The following ROBO1 variants were observed in gnomAD, a reference collection of about 807,000 sequenced individuals.
ROBO1 encodes the protein roundabout homolog 1.
Under a neutral mutation model 195.9 loss-of-function variants are expected in ROBO1, and 149 were observed. The observed-to-expected ratio is 0.76, with a 90% CI of 0.67 to 0.87. The LOEUF (loss-of-function observed/expected upper bound fraction) is 0.87, where lower values mean the gene tolerates loss of function less well. Among genes scored for constraint, ROBO1 ranks in the 40% least tolerant of loss-of-function variants. The probability of loss-of-function intolerance (pLI) is 0.00; values close to 1 mark genes in which losing one functional copy is unlikely to be tolerated. For missense variants in ROBO1, 1,933 were observed against 2,068.3 expected (o/e 0.93, Z 1.27); for synonymous variants, 816 against 733.2 (o/e 1.11, Z -1.82).
At chr3:78,634,171 T>C (rs2107523218) in intron 23 of ROBO1, 129 bp from the exon 24 acceptor site, 1 of 551,816 alleles carries the variant, frequency 1.8e-6, no homozygotes, top group Admixed American at 3.5e-5. Context: ...CTTTTTTCTC[T>C]TCTATTGTTG....
intron 3 of ROBO1, among the ~76,000 whole-genome samples, chr3:79,011,905 CT>C (rs1459245074): frequency 6.6e-6 from 1 of 151,898 alleles, no homozygotes; most frequent in Non-Finnish European, 1.5e-5. Context: ...TCTATACAAA[CT>C]GGGCATACGA....
intron 2 of ROBO1, among the ~76,000 whole-genome samples, chr3:79,387,229 T>A (rs1020780390): frequency 1.3e-5 from 2 of 152,070 alleles, no homozygotes; most frequent in African/African-American, 4.8e-5. Context: ...TTGATGATAA[T>A]ACAAATCATG....
Position 79,215,474 on chromosome 3 carries a change from G to C in ROBO1, c.89-89935C>G, listed in dbSNP as rs184687216. Among the ~76,000 whole-genome samples the C allele has an allele frequency of 7.2e-5, 11 of 152,026 alleles. No individual in the cohort carries two copies. In the East Asian group the frequency reaches 1.9e-3, roughly 27 times the overall value. ...CCTCCCCTACTCCGACCCAACAAAC[G>C]ATTTATATGTAAATACACACAGAGC... On this transcript the variant is annotated intron_variant, in intron 2 of 30. Transcript: ENST00000464233.
intron 2 of ROBO1, among the ~76,000 whole-genome samples, chr3:79,546,268 G>A (rs1942260934): frequency 6.6e-6 from 1 of 152,026 alleles, no homozygotes; most frequent in Admixed American, 6.6e-5. Flanking sequence ...TAAGTTGACT[G>A]TTCACATGAT....
At chr3:79,372,918 T>C (rs1250516779) in intron 2 of ROBO1, among the ~76,000 whole-genome samples, 1 of 152,154 alleles carries the variant, frequency 6.6e-6, no homozygotes, top group African/African-American at 2.4e-5. Context: ...TTACATTTTT[T>C]ATTTTAGTTT....
chr3:79,174,864 A>T (rs1317211391), intron 2 of ROBO1, among the ~76,000 whole-genome samples: 1 of 151,970 alleles, frequency 6.6e-6, no homozygotes, highest in Non-Finnish European at 1.5e-5. Flanking sequence ...TCAAAAAAAA[A>T]AAAAAAGAAA....
chr3:79,226,040 C>G (rs2082221456), intron 2 of ROBO1, among the ~76,000 whole-genome samples: 1 of 152,166 alleles, frequency 6.6e-6, no homozygotes, highest in South Asian at 2.1e-4. Flanking sequence ...TCCTGTCTTA[C>G]AGTTTGCCTT....
chr3:79,091,574 A>T (rs901104251), intron 3 of ROBO1, among the ~76,000 whole-genome samples: 9 of 1,030 alleles, frequency 8.7e-3, no homozygotes, highest in Non-Finnish European at 0.054. Context: ...TGATGCTCGA[A>T]TTTTAATAGG....
At chr3:78,894,531 C>T (rs1037712349) in intron 4 of ROBO1, among the ~76,000 whole-genome samples, 1 of 151,980 alleles carries the variant, frequency 6.6e-6, no homozygotes, top group East Asian at 1.9e-4. Context: ...TTTTCTAGCA[C>T]AGCTAATGAA....
chr3:79,538,488 C>T (rs1941954120), intron 2 of ROBO1, among the ~76,000 whole-genome samples: 1 of 151,914 alleles, frequency 6.6e-6, no homozygotes, highest in Admixed American at 6.6e-5. Context: ...AATGAATGCC[C>T]CAAATATTGG....
At chr3:78,935,055 T>G (rs1328216177) in intron 4 of ROBO1, among the ~76,000 whole-genome samples, 1 of 152,082 alleles carries the variant, frequency 6.6e-6, no homozygotes, top group Non-Finnish European at 1.5e-5. Flanking sequence ...CATAAGTTAC[T>G]AATAATAACA....
At chr3:79,664,822 T>C (rs7432319) in intron 1 of ROBO1, among the ~76,000 whole-genome samples, 1 of 151,980 alleles carries the variant, frequency 6.6e-6, no homozygotes, top group Non-Finnish European at 1.5e-5. Flanking sequence ...ATTCAATGCC[T>C]TCCGGTACTG....
At chr3:79,221,438 G>A (rs1413843451) in intron 2 of ROBO1, among the ~76,000 whole-genome samples, 2 of 151,950 alleles carry the variant, frequency 1.3e-5, no homozygotes, top group African/African-American at 2.4e-5. Context: ...CATACAATGG[G>A]GGCATACTGT....
intron 21 of ROBO1, among the ~76,000 whole-genome samples, chr3:78,641,092 T>C (rs958834679): frequency 2.6e-4 from 39 of 151,788 alleles, no homozygotes; most frequent in African/African-American, 8.8e-4. Context: ...GCTTATAATG[T>C]GTGAGGCATT....
At chr3:79,623,748 A>T (rs545081061) in intron 1 of ROBO1, among the ~76,000 whole-genome samples, 1 of 152,328 alleles carries the variant, frequency 6.6e-6, no homozygotes, top group South Asian at 2.1e-4. Context: ...GATGGGGAGA[A>T]TGGAAACAAG....
intron 4 of ROBO1, among the ~76,000 whole-genome samples, chr3:78,898,590 C>T (rs1470555675): frequency 6.6e-6 from 1 of 151,430 alleles, no homozygotes; most frequent in African/African-American, 2.4e-5. Context: ...GGGGTTTCAC[C>T]GTGTTAGCCA....
intron 3 of ROBO1, among the ~76,000 whole-genome samples, chr3:78,999,300 A>T (rs2077441039): frequency 6.6e-6 from 1 of 152,150 alleles, no homozygotes; most frequent in South Asian, 2.1e-4. Flanking sequence ...CATGGAACCA[A>T]CCTAGGTGCC....
chr3:78,946,590 A>G (rs560861601), intron 3 of ROBO1, among the ~76,000 whole-genome samples: 74 of 152,322 alleles, frequency 4.9e-4, no homozygotes, highest in Non-Finnish European at 6.2e-4. Flanking sequence ...AAAGACCATC[A>G]AGGCTAGGAA....
At chr3:79,201,990 A>G (rs1467195180) in intron 2 of ROBO1, among the ~76,000 whole-genome samples, 1 of 151,400 alleles carries the variant, frequency 6.6e-6, no homozygotes, top group Non-Finnish European at 1.5e-5. Context: ...CCATCCCTCA[A>G]TTTCCCTTCT....
Sources: gnomAD v4.1 joint callset for allele counts (sites outside exome capture counted in the v4.1 genomes callset) on GRCh38, gnomAD v4.1.1 for gene constraint, MANE v1.5 for transcripts, NCBI Gene and HGNC (gene_info 2026-07-23, HGNC 2026-07-21) for gene names.